CLSTN1: variants seen among roughly 807,000 people sequenced by gnomAD.
The protein encoded by CLSTN1 is calsyntenin-1.
A neutral mutation model predicts 108.3 loss-of-function variants in CLSTN1; 28 were observed. The observed-to-expected ratio is 0.26, with a 90% CI of 0.19 to 0.35. The LOEUF (loss-of-function observed/expected upper bound fraction) is 0.35. Among genes scored for constraint, CLSTN1 ranks in the 10% least tolerant of loss-of-function variants. CLSTN1 has a pLI of 1.00. For synonymous variants in CLSTN1, 524 were observed against 534.9 expected (o/e 0.98, Z 0.28); for missense variants, 1,157 against 1,302.6 (o/e 0.89, Z 1.72).
intron 1 of CLSTN1, among the ~76,000 whole-genome samples, chr1:9,807,074 C>CGGCAG (rs1654540752): frequency 6.6e-6 from 1 of 151,896 alleles, no homozygotes; most frequent in Non-Finnish European, 1.5e-5. Context: ...GCCACAGGTG[C>CGGCAG]GGCAGAAAGA....
intron 17 of CLSTN1, 93 bp from the exon 18 acceptor site, chr1:9,731,483 C>G: frequency 7.5e-7 from 1 of 1,324,968 alleles, no homozygotes; most frequent in Non-Finnish European, 1.1e-6. Flanking sequence ...TCAAAACGGG[C>G]TGGACAGCAC....
chr1:9,803,686 C>A (rs933643938), intron 1 of CLSTN1, among the ~76,000 whole-genome samples: 3 of 152,032 alleles, frequency 2.0e-5, no homozygotes, highest in African/African-American at 4.8e-5. Context: ...GCCTGTAATC[C>A]CAGCTACTTG....
chr1:9,735,902 TGTCTTCGAGGACCTGCAG>T lies in CLSTN1; in HGVS notation c.1699_1716del (p.Leu567_Asp572del), dbSNP rs1194564011. ...GGTGTTACCTGCACGCCTCTGCCAC[TGTCTTCGAGGACCTGCAG>T]GTCCAGCCCCTCCTTGCAGGTATAC... is the stretch of plus-strand genomic sequence containing the variant. On this transcript the variant is annotated inframe_deletion, in exon 12 of 19. Transcript: ENST00000377298. The T allele has an allele frequency of 1.2e-6, 2 of 1,613,992 alleles. No individual in the cohort carries two copies. The highest frequency in any genetic ancestry group is 1.7e-6 in the Non-Finnish European group (2 of 1,180,034).
rs1331492154 is a variant in CLSTN1, at chr1:9,730,849, G to C, written c.2749-144C>G. The C allele has an allele frequency of 1.9e-5, 15 of 783,648 alleles. No individual in the cohort carries two copies. The South Asian group carries it at 2.5e-4, about 13-fold the overall frequency. 48.5% of individuals were successfully genotyped at this position (783,648 alleles called of 1,614,324 possible). On this transcript the variant is annotated intron_variant, in intron 18 of 18. Transcript: ENST00000377298. The surrounding 1 kb of genome is among the most constrained non-coding windows in gnomAD (Gnocchi z 5.6). ...CGACAGAGCAGCCAGGACGGCACCG[G>C]AAGTTATATTAGAAGTGAAGGGAAA...
At chr1:9,820,644 T>C (rs887857662) in intron 1 of CLSTN1, among the ~76,000 whole-genome samples, 2 of 152,206 alleles carry the variant, frequency 1.3e-5, no homozygotes, top group Admixed American at 1.3e-4. Context: ...TAAACTGAAA[T>C]GCTGTTATCC....
At chr1:9,749,094 G>T (rs1396243146) in intron 7 of CLSTN1, among the ~76,000 whole-genome samples, 1 of 151,504 alleles carries the variant, frequency 6.6e-6, no homozygotes, top group East Asian at 2.0e-4. Context: ...TGTAGAGATG[G>T]GGTATCGCTG....
intron 4 of CLSTN1, 134 bp from the exon 5 acceptor site, chr1:9,751,815 AT>A (rs1437124902): frequency 2.8e-6 from 2 of 704,500 alleles, no homozygotes; most frequent in Non-Finnish European, 4.7e-6. Flanking sequence ...GTTTCATGAA[AT>A]TCATATGATG....
Position 9,796,285 on chromosome 1 carries a change from CAAAACAAAACAAAAAA to C in CLSTN1, c.92-22907_92-22892del, listed in dbSNP as rs1557719206. ...CAAAAACAAAAAAAAAAACAAAAAA[CAAAACAAAACAAAAAA>C]AAAAAAACAGGCATTTGACCTGGCA... On this transcript the variant is annotated intron_variant, in intron 1 of 18. Transcript: ENST00000377298. 2.0e-3 allele frequency among the ~76,000 whole-genome samples: 255 copies of C among 129,668 alleles called. 1 individual carries two copies. The highest frequency in any genetic ancestry group is 7.3e-3 in the African/African-American group (245 of 33,434). The allele number at this position is 129,668 out of a possible 152,430, so 85.1% of individuals were successfully genotyped here. A position where few individuals can be genotyped will look rare whatever the true frequency, so the allele number is the denominator to read the frequency against.
chr1:9,800,515 C>G (rs1460956349), intron 1 of CLSTN1, among the ~76,000 whole-genome samples: 1 of 132,080 alleles, frequency 7.6e-6, no homozygotes, highest in Non-Finnish European at 1.6e-5. Context: ...GTCAGGAGAT[C>G]AAGACCATCC....
chr1:9,777,632 CTT>C (rs1169913261), intron 1 of CLSTN1, among the ~76,000 whole-genome samples: 1 of 152,068 alleles, frequency 6.6e-6, no homozygotes, highest in Non-Finnish European at 1.5e-5. Context: ...ATGAAAATAA[CTT>C]TTTGAAAACA....
rs926726389 is a variant in CLSTN1 at position 9,730,218 on chromosome 1, G to C, written c.*290C>G. The C allele has an allele frequency of 3.9e-6, 2 of 507,052 alleles. No individual in the cohort carries two copies. The highest frequency in any genetic ancestry group is 6.4e-5 in the Admixed American group (2 of 31,084). The allele number at this position is 507,052 out of a possible 1,614,324, so 31.4% of individuals were successfully genotyped here. A position where few individuals can be genotyped will look rare whatever the true frequency, so the allele number is the denominator to read the frequency against. Reference sequence around the variant, plus strand: ...GGGGCCAGTGTCCTCTCCCCGGGGGGAGACTCCAGACACAAACGCGGGGCC... The same window carrying C: ...GGGGCCAGTGTCCTCTCCCCGGGGGCAGACTCCAGACACAAACGCGGGGCC... On this transcript the variant is annotated 3_prime_UTR_variant, in exon 19 of 19. Coordinates refer to ENST00000377298, the MANE Select transcript of CLSTN1 (RefSeq NM_001009566.3). This position sits in a 1 kb window ranked among gnomAD's most constrained non-coding sequence, Gnocchi z 5.6.
chr1:9,818,647 G>A lies in CLSTN1; in HGVS notation c.91+4996C>T, dbSNP rs375158853. On this transcript the variant is annotated intron_variant, in intron 1 of 18. Coordinates refer to ENST00000377298, the MANE Select transcript of CLSTN1 (RefSeq NM_001009566.3). ...AGGCCTTGGTTGTTTTTTAATGCACGAACATGACATTGCATAAATAATTTC... is the reference window on the plus strand; with the variant it reads ...AGGCCTTGGTTGTTTTTTAATGCACAAACATGACATTGCATAAATAATTTC... 6.2e-4 allele frequency among the ~76,000 whole-genome samples: 94 copies of A among 151,448 alleles called. 2 individuals carry two copies. The East Asian group carries it at 0.015, about 24-fold the overall frequency.
intron 2 of CLSTN1, among the ~76,000 whole-genome samples, chr1:9,768,419 C>T (rs1030551971): frequency 2.4e-4 from 4 of 16,830 alleles, no homozygotes; most frequent in East Asian, 1.4e-3. Flanking sequence ...CACCGGGGGG[C>T]GGGGTTCTGT....
chr1:9,775,471 C>T (rs1026216047), intron 1 of CLSTN1, among the ~76,000 whole-genome samples: 8 of 151,630 alleles, frequency 5.3e-5, no homozygotes, highest in Admixed American at 1.3e-4. Context: ...GATCATTTAG[C>T]CCCTGTCTGC....
rs1003350283 is a variant in CLSTN1 at position 9,823,142 on chromosome 1, G to A, written c.91+501C>T. On this transcript the variant is annotated intron_variant, in intron 1 of 18. Coordinates refer to ENST00000377298, the MANE Select transcript of CLSTN1 (RefSeq NM_001009566.3). This position sits in a 1 kb window ranked among gnomAD's most constrained non-coding sequence, Gnocchi z 6.3. Reference sequence around the variant, plus strand: ...CGGGATCTTGGAAACGGGATGCGGAGGAGTGGGCTCTTATGTAAGCACACA... The same window carrying A: ...CGGGATCTTGGAAACGGGATGCGGAAGAGTGGGCTCTTATGTAAGCACACA... 2.6e-5 allele frequency among the ~76,000 whole-genome samples: 4 copies of A among 152,230 alleles called. No homozygotes were observed. The highest frequency in any genetic ancestry group is 7.2e-5 in the African/African-American group (3 of 41,458).
At chr1:9,803,662 G>T (rs1212526613) in intron 1 of CLSTN1, among the ~76,000 whole-genome samples, 1 of 152,018 alleles carries the variant, frequency 6.6e-6, no homozygotes, top group Non-Finnish European at 1.5e-5. Flanking sequence ...AATTAGCTGG[G>T]TGTGGTGGTA....
intron 16 of CLSTN1, among the ~76,000 whole-genome samples, chr1:9,732,520 GGA>G (rs1282507858): frequency 6.6e-6 from 1 of 152,194 alleles, no homozygotes; most frequent in East Asian, 1.9e-4. Flanking sequence ...TCACTGCCAT[GGA>G]TTTCCTTTCA....
intron 5 of CLSTN1, 71 bp downstream of exon 5, chr1:9,751,402 C>G: frequency 6.9e-7 from 1 of 1,440,214 alleles, no homozygotes. Flanking sequence ...AGCACAGAAG[C>G]TGGGGTGTAA....
intron 1 of CLSTN1, among the ~76,000 whole-genome samples, chr1:9,792,604 G>A (rs1320958996): frequency 2.0e-5 from 3 of 151,402 alleles, no homozygotes; most frequent in African/African-American, 7.2e-5. Context: ...TCCAGCCACG[G>A]GTGTCGGGTG....
Sources: allele counts gnomAD v4.1 joint callset (sites outside exome capture counted in the v4.1 genomes callset), GRCh38; gene constraint gnomAD v4.1.1; non-coding constraint Gnocchi (gnomAD v3.1); transcripts MANE v1.5; gene names NCBI Gene and HGNC (gene_info 2026-07-23, HGNC 2026-07-21).